CREB5: variants seen among roughly 807,000 people sequenced by gnomAD.
CREB5 encodes the protein cAMP responsive element binding protein 5.
CREB5 carries 19 observed loss-of-function variants against 57.1 expected under a neutral mutation model. The observed-to-expected ratio is 0.33, with a 90% CI of 0.23 to 0.49. The LOEUF (loss-of-function observed/expected upper bound fraction) is 0.49, where lower values mean the gene tolerates loss of function less well. Among genes scored for constraint, CREB5 ranks in the 20% least tolerant of loss-of-function variants. The pLI, the probability that CREB5 is intolerant of heterozygous loss-of-function variation, is 0.99. For synonymous variants in CREB5, 238 were observed against 238.3 expected (o/e 1.00, Z 0.01); for missense variants, 579 against 671.6 (o/e 0.86, Z 1.52).
chr7:28,687,708 G>A (rs190993962), intron 5 of CREB5, among the ~76,000 whole-genome samples: 12 of 152,010 alleles, frequency 7.9e-5, no homozygotes, highest in Admixed American at 2.0e-4. Flanking sequence ...TTTATTTAAC[G>A]CATGTTTTGG....
In CREB5 at chr7:28,822,178, T is replaced by TG. The variant is rs1247384855; in HGVS notation, c.*2900dup. ...ATATAATTAGAATAAACTGTCTTCT[T>TG]GTTCTACTCAGGGCCTTTAGGTGTG... On this transcript the variant is annotated 3_prime_UTR_variant, in exon 11 of 11. Coordinates refer to ENST00000357727, the MANE Select transcript of CREB5 (RefSeq NM_182898.4). The TG allele has an allele frequency of 2.0e-5, 3 of 152,214 alleles. No individual in the cohort carries two copies. Among genetic ancestry groups the TG allele is most frequent in the Non-Finnish European group, 4.4e-5 (3 of 68,032 alleles). The allele number at this position is 152,214 out of a possible 1,614,324, so 9.4% of individuals were successfully genotyped here.
chr7:28,560,871 T>TGTGTGTGCGTGCGTGTGC (rs1795122895), intron 4 of CREB5, among the ~76,000 whole-genome samples: 1 of 38,006 alleles, frequency 2.6e-5, no homozygotes, highest in Non-Finnish European at 5.0e-5. Context: ...TGTGCCTGCG[T>TGTGTGTGCGTGCGTGTGC]GCGCGTGCGT....
intron 7 of CREB5, among the ~76,000 whole-genome samples, chr7:28,799,527 C>T (rs1413218166): frequency 6.6e-6 from 1 of 152,280 alleles, no homozygotes; most frequent in Non-Finnish European, 1.5e-5. Flanking sequence ...TTTCCCTTAA[C>T]AGTATAAGCT....
chr7:28,648,606 C>T (rs746053046), intron 5 of CREB5, among the ~76,000 whole-genome samples: 2 of 151,952 alleles, frequency 1.3e-5, no homozygotes, highest in Non-Finnish European at 2.9e-5. Flanking sequence ...GCTGGGCTTG[C>T]TGGTGCATGC....
At chr7:28,399,819 G>C (rs191109238) in intron 1 of CREB5, among the ~76,000 whole-genome samples, 12 of 152,234 alleles carry the variant, frequency 7.9e-5, no homozygotes, top group African/African-American at 2.9e-4. Context: ...ACTTTGGGAG[G>C]CGAGGTGGGT....
chr7:28,718,680 G>A (rs1205430333), intron 5 of CREB5, 73 bp from the exon 6 acceptor site: 23 of 1,582,350 alleles, frequency 1.5e-5, no homozygotes, highest in Non-Finnish European at 1.7e-5. Flanking sequence ...TGTTGTCCCT[G>A]CTGTTCTGGA....
At chr7:28,575,583 A>C (rs559818537) in intron 5 of CREB5, among the ~76,000 whole-genome samples, 1 of 152,338 alleles carries the variant, frequency 6.6e-6, no homozygotes, top group African/African-American at 2.4e-5. Context: ...TTCCTGCTGG[A>C]GACAGCGGGG....
chr7:28,552,606 G>A (rs1050869780), intron 4 of CREB5, among the ~76,000 whole-genome samples: 3 of 152,150 alleles, frequency 2.0e-5, no homozygotes, highest in South Asian at 2.1e-4. Context: ...TCCCCTTGAC[G>A]CTCTTTAGCC....
At chr7:28,448,979 A>G (rs914930296) in intron 1 of CREB5, among the ~76,000 whole-genome samples, 4 of 152,358 alleles carry the variant, frequency 2.6e-5, no homozygotes, top group African/African-American at 7.2e-5. Context: ...TTGATGAGGT[A>G]GAAATGAAAC....
At chr7:28,617,883 T>A (rs1331163059) in intron 5 of CREB5, among the ~76,000 whole-genome samples, 5 of 149,964 alleles carry the variant, frequency 3.3e-5, no homozygotes, top group Admixed American at 7.5e-5. Context: ...TGAGCAGCAG[T>A]ATAGGTGTCA....
chr7:28,439,832 A>G (rs745395633), intron 1 of CREB5, among the ~76,000 whole-genome samples: 10 of 151,994 alleles, frequency 6.6e-5, no homozygotes, highest in African/African-American at 2.4e-4. Flanking sequence ...TTGCATTATT[A>G]TTTTTCTCTG....
In CREB5 at chr7:28,338,981, T is replaced by G. The variant is rs146385033; in HGVS notation, c.-25+39540T>G. 6.3e-3 allele frequency among the ~76,000 whole-genome samples: 962 copies of G among 152,194 alleles called. 5 individuals are homozygous for G. The highest frequency in any genetic ancestry group is 0.022 in the African/African-American group (907 of 41,526). On this transcript the variant is annotated intron_variant, in intron 1 of 9. Transcript: ENST00000396299. The stretch of plus-strand genomic sequence containing the variant: ...TTCTGCTTGATTCTCTGTATTTCAT[T>G]CTCTTTGTTAAATTTACCTGATAGG...
At chr7:28,686,134 C>G in intron 5 of CREB5, 1 of 1,613,644 alleles carries the variant, frequency 6.2e-7, no homozygotes, top group Non-Finnish European at 8.5e-7. Flanking sequence ...TCTACACACA[C>G]TCATTCCAGA....
chr7:28,506,457 C>T (rs1792482324), intron 3 of CREB5, among the ~76,000 whole-genome samples: 1 of 152,160 alleles, frequency 6.6e-6, no homozygotes, highest in Admixed American at 6.5e-5. Context: ...TAATCTAATC[C>T]AGTCTACTAC....
chr7:28,503,844 G>A (rs1330541028), intron 3 of CREB5, among the ~76,000 whole-genome samples: 1 of 152,104 alleles, frequency 6.6e-6, no homozygotes, highest in Non-Finnish European at 1.5e-5. Context: ...AAAGCTCCGG[G>A]GCCAGGGGAG....
In CREB5 at chr7:28,823,144, C is replaced by T. The variant is rs1345367126; in HGVS notation, c.*3865C>T. 3.9e-5 allele frequency: 6 copies of T among 152,524 alleles called. No homozygotes were observed. The highest frequency in any genetic ancestry group is 1.5e-5 in the Non-Finnish European group (1 of 68,022). 9.4% of individuals were successfully genotyped at this position (152,524 alleles called of 1,614,324 possible). On this transcript the variant is annotated 3_prime_UTR_variant, in exon 11 of 11. Transcript: ENST00000357727. ...AAACCAGCTGCGGTAACAGACAAGCCTTTGGCTGGGGAGTTTTAAGCCTCG... is the reference window on the plus strand; with the variant it reads ...AAACCAGCTGCGGTAACAGACAAGCTTTTGGCTGGGGAGTTTTAAGCCTCG...
intron 1 of CREB5, among the ~76,000 whole-genome samples, chr7:28,429,035 T>G (rs143148192): frequency 1.4e-4 from 21 of 151,800 alleles, no homozygotes; most frequent in Middle Eastern, 3.4e-3. Flanking sequence ...TAAAAAAAAG[T>G]TTTTTTTTGA....
At chr7:28,343,097 C>T (rs559998904) in intron 1 of CREB5, among the ~76,000 whole-genome samples, 13 of 152,248 alleles carry the variant, frequency 8.5e-5, no homozygotes, top group African/African-American at 1.7e-4. Context: ...CCCGCCACCA[C>T]GCCCAGCTAA....
At chr7:28,616,800 C>T (rs572413111) in intron 5 of CREB5, among the ~76,000 whole-genome samples, 36 of 152,240 alleles carry the variant, frequency 2.4e-4, no homozygotes, top group Admixed American at 3.9e-4. Flanking sequence ...AAAAACAAGT[C>T]CATGTTAGGA....
Sources: allele counts gnomAD v4.1 joint callset (sites outside exome capture counted in the v4.1 genomes callset), GRCh38; gene constraint gnomAD v4.1.1; transcripts MANE v1.5; gene names NCBI Gene and HGNC (gene_info 2026-07-23, HGNC 2026-07-21).